The following COG1 variants were observed in gnomAD, a reference collection of about 807,000 sequenced individuals.
COG1 encodes component of oligomeric golgi complex 1.
COG1 carries 61 observed loss-of-function variants against 102.2 expected under a neutral mutation model. The ratio of observed to expected loss-of-function variants is 0.60; its 90% CI spans 0.49 to 0.74. The LOEUF (loss-of-function observed/expected upper bound fraction) is 0.74, where lower values mean the gene tolerates loss of function less well. Ranked by LOEUF, COG1 falls within the 30% of genes least tolerant of loss-of-function variation. The pLI is 0.00. For missense variants in COG1, 1,164 were observed against 1,232.1 expected (o/e 0.94, Z 0.83); for synonymous variants, 454 against 493.6 (o/e 0.92, Z 1.06).
chr17:73,207,758 G>A (rs2061386498), intron 13 of COG1: 1 of 1,289,902 alleles, frequency 7.8e-7, no homozygotes, highest in Non-Finnish European at 1.0e-6. Flanking sequence ...GAATTGTGCT[G>A]TGTGCATGTG....
At chr17:73,196,453 A>G in intron 1 of COG1, 54 bp from the exon 2 acceptor site, 1 of 1,613,428 alleles carries the variant, frequency 6.2e-7, no homozygotes, top group Non-Finnish European at 8.5e-7. Flanking sequence ...CCTACAGAAC[A>G]CTGAGATTGC....
intron 8 of COG1, chr17:73,203,413 G>A (rs1001340831): frequency 2.8e-6 from 2 of 706,988 alleles, no homozygotes; most frequent in African/African-American, 3.6e-5. Context: ...ATAAAACACA[G>A]GCACCTCTTC....
At chr17:73,196,840 C>G in intron 2 of COG1, 60 bp from the exon 3 acceptor site, 1 of 1,613,366 alleles carries the variant, frequency 6.2e-7, no homozygotes, top group Non-Finnish European at 8.5e-7. Context: ...CCTGATGTAC[C>G]AAAGCTCTTT....
chr17:73,204,050 C>G (rs1265254229), intron 9 of COG1, among the ~76,000 whole-genome samples: 1 of 152,126 alleles, frequency 6.6e-6, no homozygotes, highest in Non-Finnish European at 1.5e-5. Context: ...AGACCCAGAA[C>G]TTTGGGAGGC....
At position 73,201,389 on chromosome 17, in the gene COG1, T is replaced by C; in HGVS notation, c.1562T>C (p.Leu521Pro). Residue 521 changes from leucine (L) to proline (P), a missense_variant, in exon 7 of 14, where the codon CTG becomes CCG. Leu to Pro is a moderately conservative substitution (Grantham distance 98, BLOSUM62 -3). Coordinates refer to ENST00000299886, the MANE Select transcript of COG1 (RefSeq NM_018714.3). ...SPCVQNFCSA[L>P]DSKLKVKLDD... The stretch of plus-strand genomic sequence containing the variant: ...TGTGTACAGAACTTCTGTTCTGCCC[T>C]GGATTCTAAGCTGAAGGTTAAACTA... The C allele has an allele frequency of 6.2e-7, 1 of 1,614,242 alleles. No homozygotes were observed. Among genetic ancestry groups the C allele is most frequent in the Non-Finnish European group, 8.5e-7 (1 of 1,180,042 alleles).
intron 8 of COG1, 176 bp from the exon 9 acceptor site, chr17:73,203,456 G>T (rs1301151601): frequency 2.5e-6 from 2 of 802,172 alleles, no homozygotes; most frequent in Non-Finnish European, 4.1e-6. Context: ...GGCAGTAACA[G>T]CAAATTGCAC....
rs1166659857 is a variant in COG1 at position 73,197,070 on chromosome 17, AG to A, written c.732del (p.Gln244HisfsTer15). On this transcript the variant is annotated frameshift_variant, in exon 3 of 14. Coordinates refer to ENST00000299886, the MANE Select transcript of COG1 (RefSeq NM_018714.3). LOFTEE classifies it high-confidence loss of function. The part of the protein sequence containing the change: ...RKATIQKLLN[Q>X]PHHGAGIKAQ... ...GCAACTATTCAGAAACTTCTCAACC[AG>A]CCACACCATGGTGGGTGTGGCTTCT... The A allele has an allele frequency of 6.2e-7, 1 of 1,614,184 alleles. No homozygotes were observed. Among genetic ancestry groups the A allele is most frequent in the East Asian group, 2.2e-5 (1 of 44,878 alleles).
chr17:73,208,353 GT>G lies in COG1; in HGVS notation c.2847del (p.Pro950LeufsTer29), dbSNP rs1427258495. ...ACGCTCCACAGCTGGTGACCCGACA[GT>G]TCCTGGCTCCTTGTTCAGACAGCTT... is the stretch of plus-strand genomic sequence containing the variant. ...PARSTAGDPT[V>X]PGSLFRQLVS... On this transcript the variant is annotated frameshift_variant, in exon 14 of 14. Transcript: ENST00000299886. LOFTEE classifies it high-confidence loss of function. The G allele has an allele frequency of 6.2e-7, 1 of 1,614,040 alleles. No individual in the cohort carries two copies. Among genetic ancestry groups the G allele is most frequent in the Non-Finnish European group, 8.5e-7 (1 of 1,180,016 alleles).
intron 10 of COG1, chr17:73,205,944 C>A: frequency 1.5e-6 from 1 of 651,038 alleles, no homozygotes; most frequent in Non-Finnish European, 2.7e-6. Flanking sequence ...CCTTAGTGCC[C>A]TCCTTATAGA....
chr17:73,200,433 ACACT>A, intron 5 of COG1, 129 bp from the exon 6 acceptor site: 1 of 915,550 alleles, frequency 1.1e-6, no homozygotes, highest in Non-Finnish European at 1.8e-6. Flanking sequence ...AGGTCTATCA[ACACT>A]GAGACACATA....
At position 73,206,274 on chromosome 17, in the gene COG1, C is replaced by G. The variant is rs559509109; in HGVS notation, c.2619+12C>G. ...TGCAGCGAACTTCTGTGAGTCAAAT[C>G]AAAAACATGCTTAGTGCGAACGAAG... On this transcript the variant is annotated intron_variant, in intron 11 of 13. Coordinates refer to ENST00000299886, the MANE Select transcript of COG1 (RefSeq NM_018714.3). 1.2e-6 allele frequency: 2 copies of G among 1,602,926 alleles called. No homozygotes were observed. Among genetic ancestry groups the G allele is most frequent in the Non-Finnish European group, 8.5e-7 (1 of 1,169,896 alleles).
rs781779409 is a variant in COG1, at chr17:73,197,413, G to A, written c.913+17G>A. On this transcript the variant is annotated intron_variant, in intron 4 of 13. Transcript: ENST00000299886. The stretch of plus-strand genomic sequence containing the variant: ...ATCCTGCCGGTGAGCTCTTAGCCAA[G>A]CTTTTTAAATTCTGGTTCACTCAAC... 1.2e-6 allele frequency: 2 copies of A among 1,613,316 alleles called. No homozygotes were observed. The highest frequency in any genetic ancestry group is 1.1e-5 in the South Asian group (1 of 91,080).
rs370984452 is a variant in COG1, at chr17:73,206,115, A to T, written c.2511-39A>T. The T allele has an allele frequency of 2.6e-5, 38 of 1,481,180 alleles. No individual in the cohort carries two copies. The East Asian group carries it at 8.1e-4, about 32-fold the overall frequency. The allele number at this position is 1,481,180 out of a possible 1,614,324, so 91.8% of individuals were successfully genotyped here. ...ATATCATAAGATTGTTTTTGATCCTAAAAAATGTGGACAGTAATGATCCTA... is the reference window on the plus strand; with the variant it reads ...ATATCATAAGATTGTTTTTGATCCTTAAAAATGTGGACAGTAATGATCCTA... On this transcript the variant is annotated intron_variant, in intron 10 of 13. Coordinates refer to ENST00000299886, the MANE Select transcript of COG1 (RefSeq NM_018714.3).
rs146329969 is a variant in COG1 at position 73,206,216 on chromosome 17, C to A, written c.2573C>A (p.Thr858Lys). 3 of 1,614,146 alleles carry A rather than the reference C, an allele frequency of 1.9e-6. No homozygotes were observed. The South Asian group carries it at 3.3e-5, about 18-fold the overall frequency. ...LIDPFDLDVF[T>K]PHLNSNLHRL... ...GATCCATTTGACCTGGACGTTTTCACGCCACACCTCAACAGCAACCTTCAT... is the reference window on the plus strand; with the variant it reads ...GATCCATTTGACCTGGACGTTTTCAAGCCACACCTCAACAGCAACCTTCAT... The change falls in exon 11 of 14, where the codon ACG (threonine) becomes AAG (lysine). Residue 858 changes from threonine (T) to lysine (K), a missense_variant. Transcript: ENST00000299886.
Position 73,203,791 on chromosome 17 carries a change from A to G in COG1, c.2380A>G (p.Lys794Glu). 1 of 1,614,218 alleles carries G rather than the reference A, an allele frequency of 6.2e-7. No homozygotes were observed. Among genetic ancestry groups the G allele is most frequent in the Non-Finnish European group, 8.5e-7 (1 of 1,180,018 alleles). ...YEKLSEEKQIKKEGAFPVTQN... is the reference protein window; with the variant it reads ...YEKLSEEKQIEKEGAFPVTQN... Reference sequence around the variant, plus strand: ...GAAACTCTCCGAAGAAAAACAGATTAAGGTAGGTGTCTGAATGTTTGCCCA... The same window carrying G: ...GAAACTCTCCGAAGAAAAACAGATTGAGGTAGGTGTCTGAATGTTTGCCCA... The change falls in exon 9 of 14, where the codon AAG (lysine) becomes GAG (glutamate). Residue 794 changes from lysine (K) to glutamate (E), a missense_variant and splice_region_variant. Physicochemically the swap from Lys to Glu is moderately conservative, Grantham distance 56. Coordinates refer to ENST00000299886, the MANE Select transcript of COG1 (RefSeq NM_018714.3).
chr17:73,195,344 A>C (rs773848661), intron 1 of COG1, among the ~76,000 whole-genome samples: 2 of 152,234 alleles, frequency 1.3e-5, no homozygotes, highest in Non-Finnish European at 2.9e-5. Context: ...ATAACAGGTC[A>C]GGCGCTGTGG....
In COG1 at chr17:73,206,938, C is replaced by G. The variant is rs2061377306; in HGVS notation, c.2729+121C>G. The G allele has an allele frequency of 1.0e-5, 8 of 799,354 alleles. No homozygotes were observed. In the South Asian group the frequency reaches 1.2e-4, roughly 12 times the overall value. 49.5% of individuals were successfully genotyped at this position (799,354 alleles called of 1,614,324 possible). On this transcript the variant is annotated intron_variant, in intron 12 of 13. Coordinates refer to ENST00000299886, the MANE Select transcript of COG1 (RefSeq NM_018714.3). ...AACCCTGTCTCTACTAAAAAAAATACAAAAAATTAGCTGGCCTGGTGGCAG... is the reference window on the plus strand; with the variant it reads ...AACCCTGTCTCTACTAAAAAAAATAGAAAAAATTAGCTGGCCTGGTGGCAG...
At chr17:73,197,421 A>G in intron 4 of COG1, 25 bp downstream of exon 4, 2 of 1,612,404 alleles carry the variant, frequency 1.2e-6, no homozygotes, top group Non-Finnish European at 8.5e-7. Flanking sequence ...AAGCTTTTTA[A>G]ATTCTGGTTC....
intron 12 of COG1, 142 bp from the exon 13 acceptor site, chr17:73,207,039 G>A (rs2061378094): frequency 1.3e-6 from 1 of 758,116 alleles, no homozygotes; most frequent in African/African-American, 1.9e-5. Flanking sequence ...CTTGCAGTGA[G>A]CCGAGATTGC....
Sources: gnomAD v4.1 joint callset for allele counts (sites outside exome capture counted in the v4.1 genomes callset) on GRCh38, gnomAD v4.1.1 for gene constraint, MANE v1.5 for transcripts, NCBI Gene and HGNC (gene_info 2026-07-23, HGNC 2026-07-21) for gene names.